Variants in PLEKHG1 observed in about 807,000 individuals in gnomAD.
PLEKHG1 encodes pleckstrin homology and RhoGEF domain containing G1.
Under a neutral mutation model 100.8 loss-of-function variants are expected in PLEKHG1, and 44 were observed. That is an observed-to-expected ratio of 0.44 (90% confidence interval 0.34 to 0.56). The LOEUF (loss-of-function observed/expected upper bound fraction) is 0.56, where lower values mean the gene tolerates loss of function less well. Ranked by LOEUF, PLEKHG1 falls within the 20% of genes least tolerant of loss-of-function variation. The pLI is 0.01. For missense variants in PLEKHG1, 1,545 were observed against 1,720.9 expected (o/e 0.90, Z 1.81); for synonymous variants, 640 against 662.5 (o/e 0.97, Z 0.52).
intron 3 of PLEKHG1, among the ~76,000 whole-genome samples, chr6:150,679,765 G>C (rs1475033871): frequency 6.6e-6 from 1 of 152,202 alleles, no homozygotes; most frequent in Non-Finnish European, 1.5e-5. Context: ...TAGACTAGTA[G>C]GAGAGATGGC....
In PLEKHG1 at chr6:150,830,672, A is replaced by G. The variant is rs376755096; in HGVS notation, c.1561A>G (p.Ser521Gly). 7.6e-5 allele frequency: 122 copies of G among 1,614,022 alleles called. No individual in the cohort carries two copies. Among genetic ancestry groups the G allele is most frequent in the Non-Finnish European group, 9.2e-5 (108 of 1,179,998 alleles). The stretch of plus-strand genomic sequence containing the variant: ...TCAGCCTAGCAGTTCTACCATGATC[A>G]GCGTGCTTCGAGCGGGTGGAGCTCT... The change falls in exon 15 of 16, where the codon AGC becomes GGC. Residue 521 changes from serine (S) to glycine (G), a missense_variant. By Grantham distance (56) the Ser-to-Gly change is moderately conservative. Coordinates refer to ENST00000358517, the Ensembl canonical transcript of PLEKHG1.
In PLEKHG1 at chr6:150,831,063, A is replaced by G. The variant is rs1776895442; in HGVS notation, c.1952A>G (p.Glu651Gly). ...ATGACTCCCTTTGGGTCATCCATAGAGTTGACTATTGATGACATAGACCAT... is the reference window on the plus strand; with the variant it reads ...ATGACTCCCTTTGGGTCATCCATAGGGTTGACTATTGATGACATAGACCAT... Residue 651 changes from glutamate to glycine, a missense_variant, in exon 15 of 16, where the codon GAG becomes GGG. Coordinates refer to ENST00000358517, the Ensembl canonical transcript of PLEKHG1. This position sits in a 1 kb window ranked among gnomAD's most constrained non-coding sequence, Gnocchi z 4.1. 6.2e-7 allele frequency: 1 copy of G among 1,613,532 alleles called. No individual in the cohort carries two copies. Among genetic ancestry groups the G allele is most frequent in the Non-Finnish European group, 8.5e-7 (1 of 1,179,522 alleles).
At chr6:150,611,001 C>T (rs545300133) in intron 1 of PLEKHG1, among the ~76,000 whole-genome samples, 2 of 152,282 alleles carry the variant, frequency 1.3e-5, no homozygotes, top group Middle Eastern at 3.4e-3. Context: ...AGCCTGCAAA[C>T]GTACCTTCTG....
At position 150,831,481 on chromosome 6, in the gene PLEKHG1, C is replaced by G; in HGVS notation, c.2370C>G (p.Leu790=). The change falls in exon 15 of 16, where the codon CTC becomes CTG. Residue 790 remains leucine (L), a synonymous_variant. Coordinates refer to ENST00000358517, the Ensembl canonical transcript of PLEKHG1. This position sits in a 1 kb window ranked among gnomAD's most constrained non-coding sequence, Gnocchi z 4.1. ...GGCCATTTGTTTCCCAAGACAGCCT[C>G]CAGCTCAGTGAGGACGAAGCCCCTT... 2 of 1,614,178 alleles carry G rather than the reference C, an allele frequency of 1.2e-6. No individual in the cohort carries two copies. The highest frequency in any genetic ancestry group is 1.7e-6 in the Non-Finnish European group (2 of 1,180,030).
At chr6:150,745,133 G>A (rs918060737) in intron 2 of PLEKHG1, among the ~76,000 whole-genome samples, 12 of 152,130 alleles carry the variant, frequency 7.9e-5, no homozygotes, top group African/African-American at 2.9e-4. Context: ...AACCTAGATT[G>A]TACAGCCTAC....
chr6:150,614,166 G>A (rs1776964302), intron 1 of PLEKHG1, among the ~76,000 whole-genome samples: 1 of 152,212 alleles, frequency 6.6e-6, no homozygotes, highest in South Asian at 2.1e-4. Flanking sequence ...ATGTGGCAGA[G>A]ACGTACGATA....
intron 2 of PLEKHG1, among the ~76,000 whole-genome samples, chr6:150,761,411 G>A (rs1049868711): frequency 6.6e-6 from 1 of 152,086 alleles, no homozygotes; most frequent in African/African-American, 2.4e-5. Context: ...AGGTTCAAGC[G>A]ATTGTCCTGC....
intron 10 of PLEKHG1, among the ~76,000 whole-genome samples, chr6:150,812,346 C>T (rs982707935): frequency 2.6e-5 from 4 of 152,058 alleles, no homozygotes; most frequent in South Asian, 2.1e-4. Context: ...GATCAGCAAG[C>T]GGGTGGGGGG....
At chr6:150,815,171 T>G (rs1027671325) in intron 10 of PLEKHG1, among the ~76,000 whole-genome samples, 1 of 152,248 alleles carries the variant, frequency 6.6e-6, no homozygotes, top group Non-Finnish European at 1.5e-5. Flanking sequence ...TTCTATTATT[T>G]CTGTGAAATG....
At chr6:150,787,220 T>G (rs913547165) in intron 4 of PLEKHG1, among the ~76,000 whole-genome samples, 6 of 152,134 alleles carry the variant, frequency 3.9e-5, no homozygotes, top group African/African-American at 1.4e-4. Context: ...GAAGCAGAAT[T>G]AATCTCCTAC....
chr6:150,827,631 C>CAGCT (rs1776893059), intron 14 of PLEKHG1: 1 of 796,430 alleles, frequency 1.3e-6, no homozygotes, highest in African/African-American at 1.7e-5. Context: ...TTCAGCGGCA[C>CAGCT]AGCTGGCTTG....
intron 3 of PLEKHG1, among the ~76,000 whole-genome samples, chr6:150,681,766 C>A (rs2128589373): frequency 6.6e-6 from 1 of 152,230 alleles, no homozygotes; most frequent in Admixed American, 6.5e-5. Context: ...CAACTTGAGG[C>A]CCTGTAGTGC....
At chr6:150,671,165 G>T (rs997640472) in intron 3 of PLEKHG1, among the ~76,000 whole-genome samples, 1 of 151,700 alleles carries the variant, frequency 6.6e-6, no homozygotes, top group Non-Finnish European at 1.5e-5. Context: ...ATTTGGGTTG[G>T]TTCCGCAGTT....
At chr6:150,608,411 A>T (rs1776690067) in intron 1 of PLEKHG1, among the ~76,000 whole-genome samples, 2 of 152,224 alleles carry the variant, frequency 1.3e-5, no homozygotes, top group Non-Finnish European at 2.9e-5. Context: ...CTATAGTTTA[A>T]GACATTTCTA....
chr6:150,841,275 G>A, exon 16 of PLEKHG1: 1 of 288,590 alleles, frequency 3.5e-6, no homozygotes. Flanking sequence ...TGACTCAAAG[G>A]CAGCAAGGAG....
At chr6:150,828,092 T>C in intron 14 of PLEKHG1, 1 of 1,613,062 alleles carries the variant, frequency 6.2e-7, no homozygotes, top group Non-Finnish European at 8.5e-7. Flanking sequence ...AGTTTCCTGA[T>C]GTCAAATTTA....
chr6:150,632,633 G>T lies in PLEKHG1; in HGVS notation c.-203-5447G>T, dbSNP rs1487132297. Among the ~76,000 whole-genome samples the T allele has an allele frequency of 2.0e-5, 3 of 152,216 alleles. No individual in the cohort carries two copies. The East Asian group carries it at 5.8e-4, about 29-fold the overall frequency. ...ATGCAGGCTGGTAACAAATGTCCTAGGGCCATTATTCAGGAGCAAAAAACA... is the reference window on the plus strand; with the variant it reads ...ATGCAGGCTGGTAACAAATGTCCTATGGCCATTATTCAGGAGCAAAAAACA... On this transcript the variant is annotated intron_variant, in intron 1 of 3. Transcript: ENST00000367326.
chr6:150,772,677 C>A (rs1217447792), intron 3 of PLEKHG1, among the ~76,000 whole-genome samples: 2 of 152,224 alleles, frequency 1.3e-5, no homozygotes, highest in Non-Finnish European at 2.9e-5. Flanking sequence ...TGTCAGCTTA[C>A]AGGTTATTTT....
intron 2 of PLEKHG1, among the ~76,000 whole-genome samples, chr6:150,753,202 C>T (rs907321286): frequency 1.3e-5 from 2 of 152,104 alleles, no homozygotes; most frequent in Admixed American, 6.6e-5. Flanking sequence ...CCCCCACCCC[C>T]GTAAAGTAGA....
Sources: gnomAD v4.1 joint callset for allele counts (sites outside exome capture counted in the v4.1 genomes callset) on GRCh38, gnomAD v4.1.1 for gene constraint, Gnocchi (gnomAD v3.1) non-coding constraint, MANE v1.5 for transcripts, NCBI Gene and HGNC (gene_info 2026-07-23, HGNC 2026-07-21) for gene names.